Variants in GSK3B observed in about 807,000 individuals in gnomAD.
GSK3B encodes glycogen synthase kinase-3 beta.
A neutral mutation model predicts 56.4 loss-of-function variants in GSK3B; 15 were observed. The observed-to-expected ratio is 0.27, with a 90% CI of 0.18 to 0.41. The LOEUF (loss-of-function observed/expected upper bound fraction) is 0.41. Among genes scored for constraint, GSK3B ranks in the 10% least tolerant of loss-of-function variants. GSK3B has a pLI of 1.00. For synonymous variants in GSK3B, 181 were observed against 188.9 expected (o/e 0.96, Z 0.34); for missense variants, 300 against 513.4 (o/e 0.58, Z 4.02).
chr3:119,884,274 A>C (rs962462892), intron 7 of GSK3B, among the ~76,000 whole-genome samples: 1 of 152,122 alleles, frequency 6.6e-6, no homozygotes, highest in African/African-American at 2.4e-5. Flanking sequence ...TGTTCACTGC[A>C]GGTGGCCACT....
At chr3:119,955,395 G>C (rs2057203656) in intron 2 of GSK3B, among the ~76,000 whole-genome samples, 1 of 152,034 alleles carries the variant, frequency 6.6e-6, no homozygotes, top group Non-Finnish European at 1.5e-5. Flanking sequence ...CAGAACTGGG[G>C]GCCCTGAGAA....
chr3:120,013,348 T>C (rs2057795411), intron 1 of GSK3B, among the ~76,000 whole-genome samples: 2 of 152,226 alleles, frequency 1.3e-5, no homozygotes, highest in African/African-American at 4.8e-5. Context: ...GTTTCTTGTT[T>C]TAAGGAGACT....
chr3:120,024,208 C>A (rs2057904319), intron 1 of GSK3B, among the ~76,000 whole-genome samples: 1 of 152,064 alleles, frequency 6.6e-6, no homozygotes, highest in Admixed American at 6.6e-5. Flanking sequence ...CGGTGGCACA[C>A]ACCAGTGGTC....
intron 3 of GSK3B, among the ~76,000 whole-genome samples, chr3:119,940,095 A>AGT (rs1192254485): frequency 3.0e-5 from 4 of 133,882 alleles, no homozygotes; most frequent in East Asian, 4.7e-4. Flanking sequence ...CAGTAACAAA[A>AGT]GTGTGTGTGT....
chr3:119,877,071 T>C (rs923693720), intron 7 of GSK3B, among the ~76,000 whole-genome samples: 1 of 152,208 alleles, frequency 6.6e-6, no homozygotes, highest in African/African-American at 2.4e-5. Flanking sequence ...TGACTACAGA[T>C]TCCATGCTGT....
chr3:120,027,510 T>C (rs908717001), intron 1 of GSK3B, among the ~76,000 whole-genome samples: 6 of 152,170 alleles, frequency 3.9e-5, no homozygotes, highest in Non-Finnish European at 7.3e-5. Context: ...CAGATATTCA[T>C]TAAGGCATTA....
chr3:119,883,186 C>G (rs564169620), intron 7 of GSK3B, among the ~76,000 whole-genome samples: 1 of 152,032 alleles, frequency 6.6e-6, no homozygotes, highest in Non-Finnish European at 1.5e-5. Context: ...TATTTTAAAT[C>G]TTAACACCAG....
At chr3:119,922,148 G>A (rs990732521) in intron 4 of GSK3B, among the ~76,000 whole-genome samples, 10 of 149,622 alleles carry the variant, frequency 6.7e-5, no homozygotes, top group Admixed American at 6.7e-5. Flanking sequence ...AAGGAAGGAA[G>A]GAGGTAGGTA....
chr3:119,954,295 AATAG>A (rs1408344813), intron 2 of GSK3B, among the ~76,000 whole-genome samples: 24 of 121,482 alleles, frequency 2.0e-4, no homozygotes, highest in African/African-American at 5.5e-4. Flanking sequence ...AATAGAATAG[AATAG>A]AATAGAAAAG....
intron 1 of GSK3B, chr3:120,029,458 G>A (rs1053577514): frequency 3.3e-5 from 23 of 700,706 alleles, no homozygotes; most frequent in South Asian, 1.2e-4. Flanking sequence ...GAACATTCTG[G>A]ATCAAGAGCA....
At chr3:119,936,734 C>T (rs992236460) in intron 3 of GSK3B, among the ~76,000 whole-genome samples, 4 of 151,938 alleles carry the variant, frequency 2.6e-5, no homozygotes, top group African/African-American at 9.7e-5. Context: ...ACACAGCCCC[C>T]AATACATGAA....
At chr3:120,017,570 C>T (rs1401762419) in intron 1 of GSK3B, among the ~76,000 whole-genome samples, 2 of 152,112 alleles carry the variant, frequency 1.3e-5, no homozygotes, top group Admixed American at 6.6e-5. Context: ...GCACAGCATA[C>T]AAATTTACAC....
chr3:120,086,486 C>G (rs1448643256), intron 1 of GSK3B, among the ~76,000 whole-genome samples: 1 of 152,198 alleles, frequency 6.6e-6, no homozygotes, highest in Non-Finnish European at 1.5e-5. Flanking sequence ...TTTCTGCCTC[C>G]TGCCTCTTTA....
chr3:120,069,100 G>A (rs2058305279), intron 1 of GSK3B, among the ~76,000 whole-genome samples: 1 of 152,164 alleles, frequency 6.6e-6, no homozygotes, highest in Non-Finnish European at 1.5e-5. Context: ...CCCTTGCCCT[G>A]GGTAATGACA....
rs182706554 is a variant in GSK3B, at chr3:119,881,171, G to A, written c.814-4663C>T. ...CAGAGCTACACATACCTTTATGGATGAATCTCACACAGTGGTGAGCTTTTA... is the reference window on the plus strand; with the variant it reads ...CAGAGCTACACATACCTTTATGGATAAATCTCACACAGTGGTGAGCTTTTA... On this transcript the variant is annotated intron_variant, in intron 7 of 10. Coordinates refer to ENST00000264235, the MANE Select transcript of GSK3B (RefSeq NM_001146156.2). Among the ~76,000 whole-genome samples the A allele has an allele frequency of 6.3e-3, 954 of 152,274 alleles. 6 individuals are homozygous for A. Among genetic ancestry groups the A allele is most frequent in the Non-Finnish European group, 0.011 (720 of 68,010 alleles).
chr3:119,934,507 C>T (rs1446770763), intron 3 of GSK3B, among the ~76,000 whole-genome samples: 3 of 152,156 alleles, frequency 2.0e-5, no homozygotes, highest in Non-Finnish European at 4.4e-5. Context: ...GATAAGACCA[C>T]TAACATCTCA....
chr3:119,886,986 T>C (rs1007009379), intron 7 of GSK3B, among the ~76,000 whole-genome samples: 1 of 152,086 alleles, frequency 6.6e-6, no homozygotes, highest in Non-Finnish European at 1.5e-5. Context: ...AACTTGCACA[T>C]GTACCCCTGA....
At chr3:120,031,349 G>A (rs767197407) in intron 1 of GSK3B, among the ~76,000 whole-genome samples, 15 of 152,014 alleles carry the variant, frequency 9.9e-5, no homozygotes, top group Non-Finnish European at 1.9e-4. Context: ...AAATTAGCCC[G>A]CCAAAATCCC....
rs182747526 is a variant in GSK3B at position 119,967,905 on chromosome 3, G to C, written c.283-20554C>G. Among the ~76,000 whole-genome samples, 341 of 148,818 alleles carry C rather than the reference G, an allele frequency of 2.3e-3. 2 individuals are homozygous for C. Among genetic ancestry groups the C allele is most frequent in the African/African-American group, 7.6e-3 (306 of 40,410 alleles). Reference sequence around the variant, plus strand: ...AAGAGTCTCGCTCTCACCCAGGCTGGAGTGCAGTGGCACAATCTCCACTCA... The same window carrying C: ...AAGAGTCTCGCTCTCACCCAGGCTGCAGTGCAGTGGCACAATCTCCACTCA... On this transcript the variant is annotated intron_variant, in intron 2 of 10. Transcript: ENST00000264235.
Sources: gnomAD v4.1 joint callset for allele counts (sites outside exome capture counted in the v4.1 genomes callset) on GRCh38, gnomAD v4.1.1 for gene constraint, MANE v1.5 for transcripts, NCBI Gene and HGNC (gene_info 2026-07-23, HGNC 2026-07-21) for gene names.